ZNF385D: variants seen among roughly 807,000 people sequenced by gnomAD.
ZNF385D encodes the protein zinc finger protein 385D.
Under a neutral mutation model 35.8 loss-of-function variants are expected in ZNF385D, and 15 were observed. That is an observed-to-expected ratio of 0.42 (90% CI 0.28 to 0.64). The LOEUF is 0.64. Ranked by LOEUF, ZNF385D falls within the 30% of genes least tolerant of loss-of-function variation. The probability of loss-of-function intolerance (pLI) is 0.23; values close to 1 mark genes in which losing one functional copy is unlikely to be tolerated. For missense variants in ZNF385D, 474 were observed against 494.6 expected (o/e 0.96, Z 0.39); for synonymous variants, 212 against 186.8 (o/e 1.13, Z -1.10).
At chr3:22,346,700 T>C (rs1695673431) in intron 2 of ZNF385D, among the ~76,000 whole-genome samples, 1 of 152,174 alleles carries the variant, frequency 6.6e-6, no homozygotes, top group Admixed American at 6.5e-5. Context: ...AGTGCTATTT[T>C]ATATATTCTT....
chr3:21,680,272 A>T (rs2066857626), intron 1 of ZNF385D, among the ~76,000 whole-genome samples: 1 of 152,192 alleles, frequency 6.6e-6, no homozygotes, highest in Non-Finnish European at 1.5e-5. Flanking sequence ...AAATTTCAAT[A>T]AAAGTAAATG....
chr3:22,267,948 G>T lies in ZNF385D; in HGVS notation c.107-98913C>A, dbSNP rs374844289. Among the ~76,000 whole-genome samples the T allele has an allele frequency of 1.5e-4, 23 of 152,012 alleles. No homozygotes were observed. In the East Asian group the frequency reaches 2.1e-3, roughly 14 times the overall value. Reference sequence around the variant, plus strand: ...CAAAAAGCAAACCCCAAACCCTGAGGTTAATATTTTGTTTTTAGTTCAAGT... The same window carrying T: ...CAAAAAGCAAACCCCAAACCCTGAGTTTAATATTTTGTTTTTAGTTCAAGT... On this transcript the variant is annotated intron_variant, in intron 2 of 5. Coordinates refer to the ZNF385D transcript ENST00000494108.
intron 4 of ZNF385D, among the ~76,000 whole-genome samples, chr3:21,446,391 C>G (rs1452833973): frequency 2.0e-5 from 3 of 151,620 alleles, no homozygotes; most frequent in South Asian, 2.1e-4. Flanking sequence ...TTGGCACATC[C>G]CAGGCAAGCC....
intron 3 of ZNF385D, among the ~76,000 whole-genome samples, chr3:21,863,871 C>T (rs767441403): frequency 7.2e-5 from 11 of 152,058 alleles, no homozygotes; most frequent in African/African-American, 2.4e-5. Context: ...AAAATATGAA[C>T]ATAATGAGTT....
upstream of ZNF385D, among the ~76,000 whole-genome samples, chr3:21,755,480 A>G (rs761422141): frequency 6.6e-6 from 1 of 152,196 alleles, no homozygotes; most frequent in African/African-American, 2.4e-5. Context: ...TGAAGACTAC[A>G]TTCCCTTTCA....
At chr3:22,228,545 T>C (rs924962204) in intron 2 of ZNF385D, among the ~76,000 whole-genome samples, 1 of 152,208 alleles carries the variant, frequency 6.6e-6, no homozygotes, top group African/African-American at 2.4e-5. Context: ...TTTGGTTAAG[T>C]GGTCAGTTAA....
intron 2 of ZNF385D, among the ~76,000 whole-genome samples, chr3:21,663,284 T>C (rs1455810434): frequency 6.6e-6 from 1 of 152,210 alleles, no homozygotes; most frequent in Admixed American, 6.6e-5. Flanking sequence ...TAAATGATAT[T>C]CATTGTCAGT....
Position 22,211,261 on chromosome 3 carries a change from A to C in ZNF385D, c.107-42226T>G, listed in dbSNP as rs377569980. 3.3e-5 allele frequency among the ~76,000 whole-genome samples: 5 copies of C among 152,074 alleles called. No individual in the cohort carries two copies. The South Asian group carries it at 1.0e-3, about 31-fold the overall frequency. On this transcript the variant is annotated intron_variant, in intron 2 of 5. Transcript: ENST00000494108. The stretch of plus-strand genomic sequence containing the variant: ...TACTTAATAAAGCAGTTGATGAATG[A>C]ATGAATATTCCTCAGTATTAACAAT...
chr3:21,616,348 G>T (rs980845289), intron 2 of ZNF385D, among the ~76,000 whole-genome samples: 2 of 152,140 alleles, frequency 1.3e-5, no homozygotes, highest in Admixed American at 1.3e-4. Flanking sequence ...TTTGTTTACT[G>T]CTGGGAATAT....
In ZNF385D at chr3:21,421,183, T is replaced by G. The variant is rs772015165; in HGVS notation, c.*31A>C. On this transcript the variant is annotated 3_prime_UTR_variant, in exon 8 of 8. Transcript: ENST00000281523. ...GTTTTGTTTTTTGTTTTTTGAAAAA[T>G]TATTGCAGTACAATTACTCCTATTT... is the stretch of plus-strand genomic sequence containing the variant. 13 of 1,577,450 alleles carry G rather than the reference T, an allele frequency of 8.2e-6. No homozygotes were observed. The highest frequency in any genetic ancestry group is 2.2e-5 in the East Asian group (1 of 44,498).
At chr3:21,653,834 T>C (rs1434103892) in intron 2 of ZNF385D, among the ~76,000 whole-genome samples, 1 of 152,066 alleles carries the variant, frequency 6.6e-6, no homozygotes, top group Non-Finnish European at 1.5e-5. Context: ...ACATAAATTC[T>C]ATATATGTTA....
intron 3 of ZNF385D, among the ~76,000 whole-genome samples, chr3:22,043,326 C>A (rs374033274): frequency 3.9e-5 from 6 of 152,282 alleles, no homozygotes; most frequent in African/African-American, 1.4e-4. Flanking sequence ...ATGTTTCTTA[C>A]AGTTTAGGTC....
At chr3:21,757,723 A>G (rs1237404868) in intron 3 of ZNF385D, among the ~76,000 whole-genome samples, 1 of 152,136 alleles carries the variant, frequency 6.6e-6, no homozygotes, top group Non-Finnish European at 1.5e-5. Flanking sequence ...AGGATTTGGA[A>G]CCTCTTTCAC....
At chr3:21,983,987 C>T (rs1185264823) in intron 3 of ZNF385D, among the ~76,000 whole-genome samples, 2 of 135,610 alleles carry the variant, frequency 1.5e-5, no homozygotes. Flanking sequence ...CTGTTCATGT[C>T]CTTCGCCCAC....
At chr3:21,574,121 C>T (rs1324618154) in intron 2 of ZNF385D, among the ~76,000 whole-genome samples, 2 of 150,584 alleles carry the variant, frequency 1.3e-5, no homozygotes, top group Non-Finnish European at 3.0e-5. Flanking sequence ...TAGGCAGTGA[C>T]CAACAATTAC....
rs1333926132 is a variant in ZNF385D, at chr3:21,499,232, T to G, written c.439+11629A>C. Among the ~76,000 whole-genome samples, 3 of 152,150 alleles carry G rather than the reference T, an allele frequency of 2.0e-5. No homozygotes were observed. In the South Asian group the frequency reaches 6.2e-4, roughly 31 times the overall value. On this transcript the variant is annotated intron_variant, in intron 4 of 7. Coordinates refer to ENST00000281523, the MANE Select transcript of ZNF385D (RefSeq NM_024697.3). ...TAGCAAAGACATGGAATCAACCTAA[T>G]GCCCATCAATGGTAGACTGGATAAG...
intron 3 of ZNF385D, among the ~76,000 whole-genome samples, chr3:21,924,103 AC>A (rs1700608493): frequency 6.6e-6 from 1 of 152,220 alleles, no homozygotes; most frequent in South Asian, 2.1e-4. Context: ...AGCTCAATCA[AC>A]TACAGAAATA....
chr3:22,312,549 T>C (rs1703623078), intron 2 of ZNF385D, among the ~76,000 whole-genome samples: 2 of 151,692 alleles, frequency 1.3e-5, no homozygotes, highest in South Asian at 4.2e-4. Context: ...CTCAAACAAA[T>C]TTACAAGAAA....
intron 3 of ZNF385D, among the ~76,000 whole-genome samples, chr3:21,793,685 C>T (rs902047467): frequency 6.6e-6 from 1 of 152,176 alleles, no homozygotes; most frequent in African/African-American, 2.4e-5. Context: ...GCAAAACAAA[C>T]ATTAGATTTT....
Sources: allele counts gnomAD v4.1 joint callset (sites outside exome capture counted in the v4.1 genomes callset), GRCh38; gene constraint gnomAD v4.1.1; transcripts MANE v1.5; gene names NCBI Gene and HGNC (gene_info 2026-07-23, HGNC 2026-07-21).